The following MAN1B1 variants were observed in gnomAD, a reference collection of about 807,000 sequenced individuals.
MAN1B1 encodes the protein endoplasmic reticulum mannosyl-oligosaccharide 1,2-alpha-mannosidase.
A neutral mutation model predicts 75.5 loss-of-function variants in MAN1B1; 66 were observed. The ratio of observed to expected loss-of-function variants is 0.87; its 90% CI spans 0.72 to 1.07. The LOEUF is 1.07. Among genes scored for constraint, MAN1B1 ranks in the 50% least tolerant of loss-of-function variants. The probability of loss-of-function intolerance (pLI) is 0.00; values close to 1 mark genes in which losing one functional copy is unlikely to be tolerated. For synonymous variants in MAN1B1, 453 were observed against 382.8 expected (o/e 1.18, Z -2.14); for missense variants, 973 against 912.5 (o/e 1.07, Z -0.85).
intron 4 of MAN1B1, among the ~76,000 whole-genome samples, chr9:137,096,814 A>G (rs1830664256): frequency 6.6e-6 from 1 of 152,228 alleles, no homozygotes; most frequent in African/African-American, 2.4e-5. Context: ...AAGTCCAGGT[A>G]GTGGATCCCA....
rs562891758 is a variant in MAN1B1, at chr9:137,102,868, T to C, written c.1254+1196T>C. 23 of 380,602 alleles carry C rather than the reference T, an allele frequency of 6.0e-5. No individual in the cohort carries two copies. The African/African-American group carries it at 7.8e-4, about 13-fold the overall frequency. 23.6% of individuals were successfully genotyped at this position (380,602 alleles called of 1,614,324 possible). On this transcript the variant is annotated intron_variant, in intron 8 of 12. Coordinates refer to ENST00000371589, the MANE Select transcript of MAN1B1 (RefSeq NM_016219.5). ...CTGTTGCAGGCGTGCAGGTCGGTGG[T>C]GTTACATTCATGCTGTTGCAGGCGT...
chr9:137,087,411 TCAG>T, intron 1 of MAN1B1, 193 bp downstream of exon 1: 1 of 761,326 alleles, frequency 1.3e-6, no homozygotes, highest in South Asian at 1.5e-5. Flanking sequence ...TGCAGCGGTC[TCAG>T]CGGCCCAAAT....
chr9:137,099,456 G>A (rs1018089973), intron 5 of MAN1B1, among the ~76,000 whole-genome samples: 1 of 152,242 alleles, frequency 6.6e-6, no homozygotes, highest in Non-Finnish European at 1.5e-5. Context: ...CGGGTGACAG[G>A]TGCCATCCTG....
Position 137,101,154 on chromosome 9 carries a change from G to C in MAN1B1, c.1065+1G>C, listed in dbSNP as rs1274260373. ...GGACAGCCTCTTCCTGAGGAAAGCT[G>C]TAAGTGTCTTGGGGTGTCCTGCAGG... On this transcript the variant is annotated splice_donor_variant, in intron 7 of 12. Transcript: ENST00000371589. LOFTEE classifies it high-confidence loss of function. 2 of 1,613,800 alleles carry C rather than the reference G, an allele frequency of 1.2e-6. No homozygotes were observed. Among genetic ancestry groups the C allele is most frequent in the Non-Finnish European group, 1.7e-6 (2 of 1,180,024 alleles).
rs111595162 is a variant in MAN1B1 at position 137,105,783 on chromosome 9, G to A, written c.1255-342G>A. The A allele has an allele frequency of 2.3e-5, 11 of 470,772 alleles. 1 individual carries two copies. The highest frequency in any genetic ancestry group is 4.0e-5 in the African/African-American group (2 of 50,118). 29.2% of individuals were successfully genotyped at this position (470,772 alleles called of 1,614,324 possible). A position where few individuals can be genotyped will look rare whatever the true frequency, so the allele number is the denominator to read the frequency against. On this transcript the variant is annotated intron_variant, in intron 8 of 12. Transcript: ENST00000371589. The stretch of plus-strand genomic sequence containing the variant: ...CCGTCCCTCCAGAGCCATGGCTGAC[G>A]GCCAGGCCTGGTGGGCTCTCGTGAG...
chr9:137,106,523 G>T, intron 9 of MAN1B1, 166 bp from the exon 10 acceptor site: 1 of 1,174,234 alleles, frequency 8.5e-7, no homozygotes, highest in Non-Finnish European at 1.2e-6. Context: ...GGGGGGGTGA[G>T]GGGGGCATCT....
Position 137,106,111 on chromosome 9 carries a change from C to A in MAN1B1, c.1255-14C>A. 6.2e-7 allele frequency: 1 copy of A among 1,611,116 alleles called. No individual in the cohort carries two copies. The highest frequency in any genetic ancestry group is 8.5e-7 in the Non-Finnish European group (1 of 1,178,484). ...CCCTGGCCAGTAAACCCACCATCCC[C>A]CTTTCTGCCGCAGGAGGCAGTGGAG... On this transcript the variant is annotated splice_polypyrimidine_tract_variant and intron_variant, in intron 8 of 12. Transcript: ENST00000371589.
chr9:137,089,487 T>C (rs1830464372), intron 3 of MAN1B1, among the ~76,000 whole-genome samples: 1 of 151,888 alleles, frequency 6.6e-6, no homozygotes, highest in South Asian at 2.1e-4. Context: ...TGAGCCTGAG[T>C]GAAACTGCCT....
In MAN1B1 at chr9:137,100,584, G is replaced by A. The variant is rs148505803; in HGVS notation, c.917-421G>A. Among the ~76,000 whole-genome samples, 17 of 152,180 alleles carry A rather than the reference G, an allele frequency of 1.1e-4. No individual in the cohort carries two copies. The East Asian group carries it at 2.7e-3, about 24-fold the overall frequency. On this transcript the variant is annotated intron_variant, in intron 6 of 12. Transcript: ENST00000371589. Reference sequence around the variant, plus strand: ...GTCTCCTGGGCTGGAGTGCAATGGCGCAATCTCGGCTCATTGCAACCTTGG... The same window carrying A: ...GTCTCCTGGGCTGGAGTGCAATGGCACAATCTCGGCTCATTGCAACCTTGG...
At chr9:137,104,662 C>T (rs991639389) in intron 8 of MAN1B1, 2 of 169,224 alleles carry the variant, frequency 1.2e-5, no homozygotes, top group Non-Finnish European at 2.6e-5. Flanking sequence ...TTAATCCTCT[C>T]TCCTCTGGTG....
chr9:137,102,063 A>G, intron 8 of MAN1B1: 1 of 436,506 alleles, frequency 2.3e-6, no homozygotes, highest in Non-Finnish European at 4.4e-6. Flanking sequence ...ATGCTGTTGC[A>G]GGAGTACAGG....
intron 8 of MAN1B1, chr9:137,104,142 C>T (rs981689639): frequency 2.2e-6 from 1 of 445,548 alleles, no homozygotes; most frequent in Non-Finnish European, 4.6e-6. Context: ...TCATGTCCCT[C>T]CCCAGTCCCT....
At chr9:137,100,030 C>T in intron 6 of MAN1B1, 149 bp downstream of exon 6, 1 of 909,900 alleles carries the variant, frequency 1.1e-6, no homozygotes, top group South Asian at 1.5e-5. Context: ...GACGTGTTGG[C>T]TGTGGTCAGT....
chr9:137,106,616 G>A, intron 9 of MAN1B1, 73 bp from the exon 10 acceptor site: 1 of 1,605,230 alleles, frequency 6.2e-7, no homozygotes, highest in Non-Finnish European at 8.5e-7. Context: ...GGCCCAGGAT[G>A]TGCCTGTCCC....
intron 3 of MAN1B1, among the ~76,000 whole-genome samples, chr9:137,089,592 G>A (rs545506907): frequency 1.3e-5 from 2 of 152,334 alleles, no homozygotes; most frequent in East Asian, 3.9e-4. Flanking sequence ...GGTCCTGCAG[G>A]TCCTGGAGGC....
chr9:137,090,865 C>T (rs1005708101), intron 3 of MAN1B1, among the ~76,000 whole-genome samples: 2 of 152,080 alleles, frequency 1.3e-5, no homozygotes, highest in African/African-American at 4.8e-5. Flanking sequence ...GAAAATGTGT[C>T]CTTTTAAAAT....
chr9:137,101,212 C>T (rs1830800782), intron 7 of MAN1B1, 59 bp downstream of exon 7: 13 of 1,593,476 alleles, frequency 8.2e-6, no homozygotes, highest in South Asian at 2.2e-5. Context: ...GCAGTTACCC[C>T]TTTAGTGGAC....
intron 6 of MAN1B1, among the ~76,000 whole-genome samples, chr9:137,100,745 C>T (rs559912232): frequency 2.0e-5 from 3 of 152,016 alleles, no homozygotes; most frequent in African/African-American, 7.3e-5. Context: ...TCACCCTCCC[C>T]AGTAGTTGGG....
intron 8 of MAN1B1, chr9:137,103,194 T>C (rs1830944755): frequency 5.2e-6 from 2 of 387,704 alleles, no homozygotes; most frequent in Non-Finnish European, 9.6e-6. Flanking sequence ...ACATTCACAC[T>C]GTTGCAGGCG....
Sources: gnomAD v4.1 joint callset for allele counts (sites outside exome capture counted in the v4.1 genomes callset) on GRCh38, gnomAD v4.1.1 for gene constraint, MANE v1.5 for transcripts, NCBI Gene and HGNC (gene_info 2026-07-23, HGNC 2026-07-21) for gene names.